COX10: variants seen among roughly 807,000 people sequenced by gnomAD.
The protein encoded by COX10 is protoheme IX farnesyltransferase, mitochondrial.
A neutral mutation model predicts 37.3 loss-of-function variants in COX10; 27 were observed. That is an observed-to-expected ratio of 0.72 (90% confidence interval 0.53 to 1.00). COX10 has a LOEUF of 1.00. COX10 is among the 50% of genes least tolerant of loss of function. The probability of loss-of-function intolerance (pLI) is 0.00; values close to 1 mark genes in which losing one functional copy is unlikely to be tolerated. For synonymous variants in COX10, 222 were observed against 229.1 expected (o/e 0.97, Z 0.28); for missense variants, 475 against 563.2 (o/e 0.84, Z 1.59).
At chr17:14,193,296 TC>T (rs1906267190) in intron 6 of COX10, among the ~76,000 whole-genome samples, 3 of 152,270 alleles carry the variant, frequency 2.0e-5, no homozygotes, top group Non-Finnish European at 2.9e-5. Context: ...TGCCACTGTC[TC>T]CTCATCTCCC....
At chr17:14,089,547 C>T in intron 3 of COX10, among the ~76,000 whole-genome samples, 1 of 152,176 alleles carries the variant, frequency 6.6e-6, no homozygotes, top group South Asian at 2.1e-4. Context: ...GAAAGCAAAC[C>T]AGGTGGCAAA....
intron 4 of COX10, among the ~76,000 whole-genome samples, chr17:14,135,642 G>A (rs948786463): frequency 1.3e-5 from 2 of 151,812 alleles, no homozygotes; most frequent in African/African-American, 2.4e-5. Flanking sequence ...TGTTGATTTT[G>A]TACTCTAAAT....
chr17:14,166,785 C>CTTTTTTTTTTT (rs57127092), intron 5 of COX10, among the ~76,000 whole-genome samples: 266 of 100,220 alleles, frequency 2.7e-3, no homozygotes, highest in Non-Finnish European at 3.3e-3. Flanking sequence ...CTATTTCTTT[C>CTTTTTTTTTTT]TTTTTTTTTT....
At chr17:14,198,673 G>C (rs1906440188) in intron 6 of COX10, among the ~76,000 whole-genome samples, 1 of 152,282 alleles carries the variant, frequency 6.6e-6, no homozygotes, top group South Asian at 2.1e-4. Context: ...CCCTCAGCTG[G>C]TAAACTACAA....
At chr17:14,159,183 G>A (rs1287704279) in intron 4 of COX10, among the ~76,000 whole-genome samples, 3 of 151,972 alleles carry the variant, frequency 2.0e-5, no homozygotes, top group Non-Finnish European at 4.4e-5. Flanking sequence ...AACTATCCTG[G>A]GCAGAATAGG....
At chr17:14,164,508 A>C (rs998613293) in intron 5 of COX10, among the ~76,000 whole-genome samples, 1 of 152,192 alleles carries the variant, frequency 6.6e-6, no homozygotes, top group Non-Finnish European at 1.5e-5. Flanking sequence ...ATATCTTTTA[A>C]AGAATTTTTA....
chr17:14,196,683 G>A (rs1906375907), intron 6 of COX10, among the ~76,000 whole-genome samples: 1 of 152,162 alleles, frequency 6.6e-6, no homozygotes, highest in African/African-American at 2.4e-5. Context: ...GCAGAAGCCT[G>A]CCTTTATTGT....
At chr17:14,124,077 G>A (rs77777149) in intron 4 of COX10, among the ~76,000 whole-genome samples, 4,488 of 152,216 alleles carry the variant, frequency 0.029, 96 homozygotes, top group Non-Finnish European at 0.048. Flanking sequence ...CTCCTGTCAA[G>A]GTGACTGTGG....
chr17:14,189,709 C>T (rs1906144163), intron 5 of COX10, among the ~76,000 whole-genome samples: 1 of 152,156 alleles, frequency 6.6e-6, no homozygotes, highest in Admixed American at 6.5e-5. Context: ...TATGCATTTT[C>T]CATGAACTTT....
intron 3 of COX10, among the ~76,000 whole-genome samples, chr17:14,100,612 TAGA>T (rs1276692728): frequency 6.6e-6 from 1 of 152,076 alleles, no homozygotes; most frequent in East Asian, 1.9e-4. Flanking sequence ...GCTCAAAGAA[TAGA>T]AGAAGTCTCA....
chr17:14,135,372 A>G (rs1480316754), intron 4 of COX10, among the ~76,000 whole-genome samples: 1 of 151,856 alleles, frequency 6.6e-6, no homozygotes, highest in African/African-American at 2.4e-5. Flanking sequence ...TTAGTTTAGC[A>G]AGCATATTAC....
chr17:14,099,478 TAGG>T (rs1915727640), intron 3 of COX10, among the ~76,000 whole-genome samples: 2 of 152,098 alleles, frequency 1.3e-5, no homozygotes, highest in South Asian at 4.1e-4. Context: ...TCATGATTAT[TAGG>T]AGGAACTACC....
chr17:14,076,831 G>A lies in COX10; in HGVS notation c.274G>A (p.Ala92Thr), dbSNP rs1289856769. 4.3e-6 allele frequency: 7 copies of A among 1,614,040 alleles called. No individual in the cohort carries two copies. Among genetic ancestry groups the A allele is most frequent in the Non-Finnish European group, 5.9e-6 (7 of 1,180,038 alleles). Residue 92 changes from alanine to threonine, a missense_variant, in exon 3 of 7, where the codon GCC becomes ACC. Physicochemically the swap from Ala to Thr is moderately conservative, Grantham distance 58. Around this residue, in one of 5 missense-constraint regions of COX10, gnomAD observed 242 missense variants for 242.5 expected, o/e 1.00. Transcript: ENST00000261643. ...CCTTGAAAAAACATCTTCAGGTCAA[G>A]CCAAAGCAGAAATATATGAGATGAG... ...PFLEKTSSGQ[A>T]KAEIYEMRPL...
chr17:14,168,005 C>T (rs1045082298), intron 5 of COX10, among the ~76,000 whole-genome samples: 1 of 152,168 alleles, frequency 6.6e-6, no homozygotes, highest in Admixed American at 6.5e-5. Context: ...AGTCCAAAGT[C>T]CCATCTGAGA....
chr17:14,069,668 C>T lies in COX10; in HGVS notation c.43+20C>T. On this transcript the variant is annotated intron_variant, in intron 1 of 6. Coordinates refer to ENST00000261643, the MANE Select transcript of COX10 (RefSeq NM_001303.4). ...TGACAGGTACTGTACCCGCCTTGGGCACGACCTTGGGGGAAATTCTTCTCT... is the reference window on the plus strand; with the variant it reads ...TGACAGGTACTGTACCCGCCTTGGGTACGACCTTGGGGGAAATTCTTCTCT... The T allele has an allele frequency of 6.2e-7, 1 of 1,614,010 alleles. No individual in the cohort carries two copies. The highest frequency in any genetic ancestry group is 1.1e-5 in the South Asian group (1 of 91,048).
intron 6 of COX10, among the ~76,000 whole-genome samples, chr17:14,195,690 C>T (rs1906347641): frequency 6.6e-6 from 1 of 152,182 alleles, no homozygotes; most frequent in Non-Finnish European, 1.5e-5. Flanking sequence ...CTTCAGAGAA[C>T]ATGATAATTA....
chr17:14,071,597 T>A (rs1184765937), intron 1 of COX10, among the ~76,000 whole-genome samples: 1 of 152,014 alleles, frequency 6.6e-6, no homozygotes, highest in Non-Finnish European at 1.5e-5. Context: ...AAAACTGTCA[T>A]CACTGGCCGG....
intron 6 of COX10, among the ~76,000 whole-genome samples, chr17:14,202,245 A>G (rs905916189): frequency 2.7e-5 from 4 of 149,070 alleles, no homozygotes; most frequent in Non-Finnish European, 5.9e-5. Flanking sequence ...TTTTTTAAGA[A>G]TTGATGTCTT....
chr17:14,100,254 C>G (rs1915746464), intron 3 of COX10, among the ~76,000 whole-genome samples: 2 of 152,198 alleles, frequency 1.3e-5, no homozygotes, highest in Admixed American at 1.3e-4. Flanking sequence ...ATTCTGCAGT[C>G]TGACATTTGC....
Sources: gnomAD v4.1 joint callset for allele counts (sites outside exome capture counted in the v4.1 genomes callset) on GRCh38, gnomAD v4.1.1 for gene constraint, gnomAD v4.1.1 regional missense constraint, MANE v1.5 for transcripts, NCBI Gene and HGNC (gene_info 2026-07-23, HGNC 2026-07-21) for gene names.